The following COL23A1 variants were observed in gnomAD, a reference collection of about 807,000 sequenced individuals.
COL23A1 encodes collagen alpha-1(XXIII) chain.
Under a neutral mutation model 99.3 loss-of-function variants are expected in COL23A1, and 97 were observed. The observed-to-expected ratio is 0.98, with a 90% CI of 0.83 to 1.16. The LOEUF is 1.16. Ranked by LOEUF, COL23A1 falls within the 50% of genes most tolerant of loss-of-function variation. COL23A1 has a pLI of 0.00. For missense variants in COL23A1, 762 were observed against 757.4 expected, an observed-to-expected ratio of 1.01 and a Z score of -0.07; for synonymous variants, 320 against 308.2, an observed-to-expected ratio of 1.04 and a Z score of -0.40.
chr5:178,548,372 C>T (rs987142744), intron 2 of COL23A1, among the ~76,000 whole-genome samples: 1 of 152,064 alleles, frequency 6.6e-6, no homozygotes, highest in East Asian at 1.9e-4. Flanking sequence ...TAATCGTCCC[C>T]ATCCTGGTCC....
chr5:178,248,415 C>T (rs1435948434), intron 19 of COL23A1, among the ~76,000 whole-genome samples, 161 bp from the exon 20 acceptor site: 2 of 151,764 alleles, frequency 1.3e-5, no homozygotes, highest in African/African-American at 4.8e-5. Context: ...GTGCCACGCC[C>T]CGGGTGGTGG....
intron 2 of COL23A1, among the ~76,000 whole-genome samples, chr5:178,383,626 A>G (rs995923042): frequency 8.5e-5 from 13 of 152,222 alleles, no homozygotes; most frequent in African/African-American, 3.1e-4. Flanking sequence ...ATCAGCCGTG[A>G]CTTGTGTCCC....
At chr5:178,336,131 G>A (rs1760303334) in intron 2 of COL23A1, among the ~76,000 whole-genome samples, 1 of 152,206 alleles carries the variant, frequency 6.6e-6, no homozygotes, top group Non-Finnish European at 1.5e-5. Flanking sequence ...ACCCGGCACA[G>A]GCTGGCACAC....
At chr5:178,510,880 G>A (rs1365487329) in intron 2 of COL23A1, among the ~76,000 whole-genome samples, 2 of 152,076 alleles carry the variant, frequency 1.3e-5, no homozygotes, top group African/African-American at 4.8e-5. Context: ...ACATGCTGAA[G>A]CGTGGCACAT....
chr5:178,463,518 T>C (rs75452301), intron 2 of COL23A1, among the ~76,000 whole-genome samples: 371 of 152,282 alleles, frequency 2.4e-3, no homozygotes, highest in African/African-American at 8.6e-3. Flanking sequence ...ACTCCCTGCA[T>C]GCCACACCTT....
At chr5:178,529,691 G>A (rs183433452) in intron 2 of COL23A1, among the ~76,000 whole-genome samples, 30 of 152,264 alleles carry the variant, frequency 2.0e-4, no homozygotes, top group Admixed American at 1.0e-3. Context: ...AGCAGGCACC[G>A]CTGACTTCAC....
At chr5:178,458,255 C>T (rs1343499803) in intron 2 of COL23A1, among the ~76,000 whole-genome samples, 1 of 50,126 alleles carries the variant, frequency 2.0e-5, no homozygotes, top group African/African-American at 9.2e-5. Context: ...TCCTGCTGTT[C>T]CTAAGTGAAC....
chr5:178,523,199 TATAGAG>T (rs1414134996), intron 2 of COL23A1, among the ~76,000 whole-genome samples: 128 of 75,980 alleles, frequency 1.7e-3, no homozygotes, highest in African/African-American at 4.7e-3. Context: ...TATATATATA[TATAGAG>T]AGAGAGAGAG....
chr5:178,356,191 G>C (rs1316487307), intron 2 of COL23A1, among the ~76,000 whole-genome samples: 1 of 152,156 alleles, frequency 6.6e-6, no homozygotes, highest in Non-Finnish European at 1.5e-5. Context: ...CAGAGGAGTG[G>C]CCGCCTGGGG....
intron 2 of COL23A1, among the ~76,000 whole-genome samples, chr5:178,422,184 C>A (rs1320121390): frequency 6.6e-6 from 1 of 152,146 alleles, no homozygotes; most frequent in Admixed American, 6.5e-5. Flanking sequence ...AATAGGTGAG[C>A]CCCTGGGGCT....
In COL23A1 at chr5:178,280,030, C is replaced by A. The variant is rs1756805696; in HGVS notation, c.441+8294G>T. ...ATCCCAAATGCCGAAGCGCCTCGTA[C>A]ATAACGAGAACACAGTAAATACCCG... On this transcript the variant is annotated intron_variant, in intron 5 of 28. Coordinates refer to ENST00000390654, the MANE Select transcript of COL23A1 (RefSeq NM_173465.4). This position sits in a 1 kb window ranked among gnomAD's most constrained non-coding sequence, Gnocchi z 4.9. Among the ~76,000 whole-genome samples, 1 of 152,262 alleles carries A rather than the reference C, an allele frequency of 6.6e-6. No homozygotes were observed. Among genetic ancestry groups the A allele is most frequent in the Admixed American group, 6.5e-5 (1 of 15,294 alleles).
chr5:178,272,841 C>T (rs905332269), intron 5 of COL23A1, among the ~76,000 whole-genome samples: 1 of 152,152 alleles, frequency 6.6e-6, no homozygotes, highest in Non-Finnish European at 1.5e-5. Flanking sequence ...TGACCCCACA[C>T]ACATGGCCGC....
intron 2 of COL23A1, among the ~76,000 whole-genome samples, chr5:178,453,493 C>T (rs1030116789): frequency 3.3e-5 from 5 of 152,188 alleles, no homozygotes; most frequent in Non-Finnish European, 7.3e-5. Flanking sequence ...TGGAATTTCC[C>T]TCAATTCTGT....
At chr5:178,509,424 T>C (rs1759073981) in intron 2 of COL23A1, among the ~76,000 whole-genome samples, 1 of 152,084 alleles carries the variant, frequency 6.6e-6, no homozygotes, top group African/African-American at 2.4e-5. Flanking sequence ...GGTTTCACCA[T>C]CTTGGCCGGG....
At chr5:178,330,127 G>C (rs1367483175) in intron 2 of COL23A1, among the ~76,000 whole-genome samples, 1 of 152,100 alleles carries the variant, frequency 6.6e-6, no homozygotes, top group Admixed American at 6.5e-5. Context: ...CTCCCTGCAG[G>C]CTTTTCCCCT....
intron 2 of COL23A1, among the ~76,000 whole-genome samples, chr5:178,440,693 G>A (rs1766818826): frequency 6.8e-6 from 1 of 148,104 alleles, no homozygotes; most frequent in African/African-American, 2.5e-5. Flanking sequence ...TCGGCTCACT[G>A]TAACCTCTGC....
intron 5 of COL23A1, among the ~76,000 whole-genome samples, chr5:178,271,023 T>C (rs1167140622): frequency 2.0e-5 from 3 of 152,154 alleles, no homozygotes; most frequent in Non-Finnish European, 4.4e-5. Flanking sequence ...CAGACAACAG[T>C]AAAGCTGGAG....
intron 2 of COL23A1, among the ~76,000 whole-genome samples, chr5:178,507,487 G>A (rs1211027320): frequency 6.6e-6 from 1 of 152,186 alleles, no homozygotes; most frequent in Non-Finnish European, 1.5e-5. Flanking sequence ...TCTGTAAGAC[G>A]CTGATAATAA....
Position 178,380,790 on chromosome 5 carries a change from C to G in COL23A1, c.362-73871G>C, listed in dbSNP as rs115769761. 5.3e-5 allele frequency among the ~76,000 whole-genome samples: 8 copies of G among 152,276 alleles called. No individual in the cohort carries two copies. The East Asian group carries it at 1.4e-3, about 26-fold the overall frequency. ...AGGAGAGAAAAGGCAGGGACTTCACCTGTCCCCAGCGTCCTGCTGAGCAGG... is the reference window on the plus strand; with the variant it reads ...AGGAGAGAAAAGGCAGGGACTTCACGTGTCCCCAGCGTCCTGCTGAGCAGG... On this transcript the variant is annotated intron_variant, in intron 2 of 28. Coordinates refer to ENST00000390654, the MANE Select transcript of COL23A1 (RefSeq NM_173465.4).
Sources: gnomAD v4.1 joint callset for allele counts (sites outside exome capture counted in the v4.1 genomes callset) on GRCh38, gnomAD v4.1.1 for gene constraint, Gnocchi (gnomAD v3.1) non-coding constraint, MANE v1.5 for transcripts, NCBI Gene and HGNC (gene_info 2026-07-23, HGNC 2026-07-21) for gene names.